The following ABCA12 variants were observed in gnomAD, a reference collection of about 807,000 sequenced individuals.
The protein encoded by ABCA12 is glucosylceramide transporter ABCA12.
ABCA12 carries 156 observed loss-of-function variants against 293.5 expected under a neutral mutation model. The observed-to-expected ratio is 0.53, with a 90% CI of 0.47 to 0.61. The LOEUF (loss-of-function observed/expected upper bound fraction) is 0.61, where lower values mean the gene tolerates loss of function less well. Ranked by LOEUF, ABCA12 falls within the 20% of genes least tolerant of loss-of-function variation. The probability of loss-of-function intolerance (pLI) is 0.00; values close to 1 mark genes in which losing one functional copy is unlikely to be tolerated. For missense variants in ABCA12, 2,797 were observed against 3,090.2 expected, an observed-to-expected ratio of 0.91 and a Z score of 2.25; for synonymous variants, 1,063 against 1,108.0, an observed-to-expected ratio of 0.96 and a Z score of 0.81.
rs555229208 is a variant in ABCA12, at chr2:215,049,745, T to C, written c.574A>G (p.Ile192Val). The C allele has an allele frequency of 2.5e-6, 4 of 1,613,714 alleles. No individual in the cohort carries two copies. The highest frequency in any genetic ancestry group is 2.5e-6 in the Non-Finnish European group (3 of 1,179,776). ...RELCDSYSGY[I>V]VDDAFSWTFL... ...GTCCAAGAGAAGGCATCATCCACAA[T>C]GTATCCTGAATAGCTGTCACATAGT... Residue 192 changes from isoleucine (I) to valine (V), a missense_variant, in exon 6 of 53, where the codon ATT becomes GTT. Ile to Val is a conservative substitution (Grantham distance 29). Transcript: ENST00000272895.
chr2:215,001,399 T>C (rs16853090), intron 21 of ABCA12, among the ~76,000 whole-genome samples, 159 bp downstream of exon 21: 4,244 of 152,300 alleles, frequency 0.028, 213 homozygotes, highest in African/African-American at 0.097. Context: ...TTAGAGATTA[T>C]AGTTGGTTGC....
At chr2:214,952,571 C>G (rs1296245995) in intron 44 of ABCA12, among the ~76,000 whole-genome samples, 2 of 152,154 alleles carry the variant, frequency 1.3e-5, no homozygotes, top group Non-Finnish European at 2.9e-5. Context: ...TTTTATTCTT[C>G]TCACCTAGAT....
At chr2:215,019,478 A>T in intron 12 of ABCA12, 30 bp from the exon 13 acceptor site, 1 of 1,613,336 alleles carries the variant, frequency 6.2e-7, no homozygotes, top group Non-Finnish European at 8.5e-7. Flanking sequence ...AAGAAATTCA[A>T]CTAAGTATTT....
chr2:214,967,008 G>T (rs763462938), intron 38 of ABCA12, 55 bp from the exon 39 acceptor site: 1 of 1,336,732 alleles, frequency 7.5e-7, no homozygotes, highest in Non-Finnish European at 1.1e-6. Flanking sequence ...AAATTAGGCT[G>T]TCTTAACATC....
In ABCA12 at chr2:215,064,132, T is replaced by C. The variant is rs1328002281; in HGVS notation, c.251A>G (p.Asp84Gly). ...CAGATCTTGTGGGCCATAGGGTGTGTCTTTGCATTTAGAGTCTGTGTCACA... is the reference window on the plus strand; with the variant it reads ...CAGATCTTGTGGGCCATAGGGTGTGCCTTTGCATTTAGAGTCTGTGTCACA... Reference protein sequence around the residue: ...LLCDTDSKCKDTPYGPQDLLR... With the variant: ...LLCDTDSKCKGTPYGPQDLLR... Residue 84 changes from aspartate to glycine, a missense_variant, in exon 3 of 53, where the codon GAC (aspartate) becomes GGC (glycine). Coordinates refer to ENST00000272895, the MANE Select transcript of ABCA12 (RefSeq NM_173076.3). 5 of 1,612,840 alleles carry C rather than the reference T, an allele frequency of 3.1e-6. No individual in the cohort carries two copies. The highest frequency in any genetic ancestry group is 4.2e-6 in the Non-Finnish European group (5 of 1,179,256).
intron 26 of ABCA12, among the ~76,000 whole-genome samples, chr2:214,988,168 A>G (rs1699828568): frequency 6.6e-6 from 1 of 152,186 alleles, no homozygotes; most frequent in African/African-American, 2.4e-5. Flanking sequence ...CAAGGGTCCA[A>G]ACAGACATGT....
chr2:215,066,071 A>G (rs1043593267), intron 2 of ABCA12, among the ~76,000 whole-genome samples: 1 of 152,120 alleles, frequency 6.6e-6, no homozygotes, highest in Non-Finnish European at 1.5e-5. Context: ...AATAAAATAG[A>G]GAGTAGCTGC....
intron 6 of ABCA12, 28 bp downstream of exon 6, chr2:215,049,598 A>C: frequency 6.5e-7 from 1 of 1,549,080 alleles, no homozygotes; most frequent in Non-Finnish European, 8.7e-7. Context: ...ATGTTGAGTC[A>C]CTTTGTGGAT....
chr2:215,097,024 T>C (rs916366181), intron 2 of ABCA12, among the ~76,000 whole-genome samples: 3 of 152,168 alleles, frequency 2.0e-5, no homozygotes, highest in Non-Finnish European at 4.4e-5. Context: ...ATAGATCCTA[T>C]GAAGGGAAGA....
chr2:215,052,816 ATTTAGATGTCATT>A (rs560963100), intron 4 of ABCA12, among the ~76,000 whole-genome samples: 22 of 152,182 alleles, frequency 1.4e-4, no homozygotes, highest in African/African-American at 4.6e-4. Context: ...TTATCCAATC[ATTTAGATGTCATT>A]TGCTTTCATT....
chr2:215,070,905 G>T (rs1216944365), intron 2 of ABCA12, among the ~76,000 whole-genome samples: 5 of 152,038 alleles, frequency 3.3e-5, no homozygotes, highest in African/African-American at 1.2e-4. Context: ...CTTCGGCTAG[G>T]AGCAGAGGCT....
In ABCA12 at chr2:215,011,956, G is replaced by A. The variant is rs1185429748; in HGVS notation, c.2121+15C>T. ...GGCATTTTTCAACAAGAACATTACT[G>A]GGTGACTTTGCTACCTGTGTTAATG... On this transcript the variant is annotated intron_variant, in intron 16 of 52. Coordinates refer to ENST00000272895, the MANE Select transcript of ABCA12 (RefSeq NM_173076.3). 9.9e-6 allele frequency: 16 copies of A among 1,610,816 alleles called. No individual in the cohort carries two copies. In the Admixed American group the frequency reaches 1.7e-4, roughly 17 times the overall value.
At chr2:214,997,118 T>TG (rs371630804) in intron 23 of ABCA12, among the ~76,000 whole-genome samples, 22 of 152,208 alleles carry the variant, frequency 1.4e-4, no homozygotes, top group African/African-American at 5.3e-4. Context: ...CTCCTGGTTC[T>TG]GTCTTCCATT....
At chr2:215,027,354 AG>A (rs1700772591) in intron 9 of ABCA12, among the ~76,000 whole-genome samples, 2 of 150,754 alleles carry the variant, frequency 1.3e-5, no homozygotes, top group African/African-American at 4.9e-5. Flanking sequence ...TCAAAAAAAA[AG>A]AAAAAAAAGA....
chr2:215,014,066 A>C (rs1700435833), intron 15 of ABCA12, among the ~76,000 whole-genome samples: 1 of 152,026 alleles, frequency 6.6e-6, no homozygotes, highest in Non-Finnish European at 1.5e-5. Flanking sequence ...TTGTAATCCC[A>C]GCTACTCAGG....
intron 6 of ABCA12, among the ~76,000 whole-genome samples, chr2:215,048,418 G>A (rs779275355): frequency 4.2e-5 from 5 of 117,660 alleles, no homozygotes; most frequent in African/African-American, 8.6e-5. Flanking sequence ...AGAATCAGCC[G>A]GTGCAGTGGC....
chr2:215,133,149 ATTTTTTTTTTTT>A (rs55641331), intron 1 of ABCA12, among the ~76,000 whole-genome samples: 9 of 34,876 alleles, frequency 2.6e-4, no homozygotes, highest in East Asian at 1.6e-3. Context: ...GCTGGCTTTA[ATTTTTTTTTTTT>A]TTTTTTTTTT....
rs1308077743 is a variant in ABCA12 at position 214,945,030 on chromosome 2, G to A, written c.7314C>T (p.Asn2438=). The change falls in exon 49 of 53, where the codon AAC becomes AAT. Residue 2438 remains asparagine, a synonymous_variant. Coordinates refer to ENST00000272895, the MANE Select transcript of ABCA12 (RefSeq NM_173076.3). ...LWKIISEEVQ[N]KCSVILTSHS... ...GAGATGTGAGGATGACGGAACATTT[G>A]TTCTGTACTTCTTCTGAAATGATCT... 21 of 1,613,564 alleles carry A rather than the reference G, an allele frequency of 1.3e-5. No individual in the cohort carries two copies. The highest frequency in any genetic ancestry group is 4.0e-5 in the African/African-American group (3 of 74,864).
At chr2:215,030,650 C>T (rs538275917) in intron 9 of ABCA12, among the ~76,000 whole-genome samples, 1 of 150,586 alleles carries the variant, frequency 6.6e-6, no homozygotes, top group African/African-American at 2.4e-5. Context: ...GGCAGCCTGG[C>T]TAGGGTGAAA....
Sources: allele counts gnomAD v4.1 joint callset (sites outside exome capture counted in the v4.1 genomes callset), GRCh38; gene constraint gnomAD v4.1.1; transcripts MANE v1.5; gene names NCBI Gene and HGNC (gene_info 2026-07-23, HGNC 2026-07-21).